Variants in VTA1 observed in about 807,000 individuals in gnomAD.
VTA1 encodes the protein vacuolar protein sorting-associated protein VTA1 homolog.
VTA1 carries 24 observed loss-of-function variants against 36.9 expected under a neutral mutation model. That is an observed-to-expected ratio of 0.65 (90% confidence interval 0.47 to 0.91). The LOEUF is 0.91. VTA1 is among the 40% of genes least tolerant of loss of function. The pLI, the probability that VTA1 is intolerant of heterozygous loss-of-function variation, is 0.00. For synonymous variants in VTA1, 142 were observed against 130.2 expected (o/e 1.09, Z -0.62); for missense variants, 393 against 377.2 (o/e 1.04, Z -0.35).
chr6:142,157,174 A>T (rs1032290346), intron 1 of VTA1, among the ~76,000 whole-genome samples: 2 of 150,446 alleles, frequency 1.3e-5, no homozygotes, highest in African/African-American at 4.8e-5. Flanking sequence ...AAAAAATGAT[A>T]ATAATAATAA....
At position 142,224,389 on chromosome 6, in the gene VTA1, T is replaced by C. The variant is rs1225601702; in HGVS notation, c.*5746T>C. On this transcript the variant is annotated 3_prime_UTR_variant, in exon 8 of 8. Transcript: ENST00000367630. ...TGGACGGTCTATTGTGCCATGCTTA[T>C]ATATTTTCTGTATACAATGCTTTCT... The C allele has an allele frequency of 6.6e-6, 1 of 152,236 alleles. No individual in the cohort carries two copies. The highest frequency in any genetic ancestry group is 2.4e-5 in the African/African-American group (1 of 41,470). 9.4% of individuals were successfully genotyped at this position (152,236 alleles called of 1,614,324 possible).
At chr6:142,154,865 C>T (rs770272116) in intron 1 of VTA1, among the ~76,000 whole-genome samples, 12 of 151,846 alleles carry the variant, frequency 7.9e-5, no homozygotes, top group Admixed American at 2.6e-4. Flanking sequence ...TTAGTAACAG[C>T]GTTACTCTGG....
At chr6:142,186,331 C>G (rs1021535375) in intron 4 of VTA1, among the ~76,000 whole-genome samples, 2 of 152,018 alleles carry the variant, frequency 1.3e-5, no homozygotes, top group African/African-American at 2.4e-5. Context: ...CCCTTGTATC[C>G]AAAGTTAGAG....
chr6:142,200,422 C>T (rs981935209), intron 6 of VTA1, among the ~76,000 whole-genome samples: 4 of 151,834 alleles, frequency 2.6e-5, no homozygotes, highest in Non-Finnish European at 5.9e-5. Flanking sequence ...AGGATATTAA[C>T]CTTATAGAAA....
rs1297653239 is a variant in VTA1 at position 142,170,415 on chromosome 6, T to A, written c.405T>A (p.Thr135=). 1 of 1,592,806 alleles carries A rather than the reference T, an allele frequency of 6.3e-7. No individual in the cohort carries two copies. Among genetic ancestry groups the A allele is most frequent in the Non-Finnish European group, 8.6e-7 (1 of 1,166,414 alleles). Reference sequence around the variant, plus strand: ...TCATAACAGTATTTGGAGAACTCACTGATGAAGTGAGTGTACATTCTTTAT... The same window carrying A: ...TCATAACAGTATTTGGAGAACTCACAGATGAAGTGAGTGTACATTCTTTAT... The part of the protein sequence containing the change: ...IDVITVFGEL[T]DENVKHRKYA... The change falls in exon 4 of 8, where the codon ACT becomes ACA. Residue 135 remains threonine, a synonymous_variant. Coordinates refer to ENST00000367630, the MANE Select transcript of VTA1 (RefSeq NM_016485.5).
intron 4 of VTA1, among the ~76,000 whole-genome samples, chr6:142,185,542 A>G (rs1465240033): frequency 6.6e-6 from 1 of 152,242 alleles, no homozygotes; most frequent in East Asian, 1.9e-4. Flanking sequence ...ATAGAGACTC[A>G]AATCTGATAC....
intron 5 of VTA1, among the ~76,000 whole-genome samples, chr6:142,195,668 A>T (rs76948217): frequency 1.2e-3 from 147 of 123,198 alleles, no homozygotes; most frequent in Middle Eastern, 6.0e-3. Flanking sequence ...TTCTTTTCTG[A>T]TAGAATAATT....
At chr6:142,209,009 G>A (rs1429404329) in intron 7 of VTA1, among the ~76,000 whole-genome samples, 5 of 152,086 alleles carry the variant, frequency 3.3e-5, no homozygotes, top group Non-Finnish European at 5.9e-5. Flanking sequence ...TTATAGTATA[G>A]AGAATAGAGC....
chr6:142,151,230 G>A lies in VTA1; in HGVS notation c.112+3831G>A, dbSNP rs141849721. Reference sequence around the variant, plus strand: ...GAAGATTAGCTGTAGGGACAGGGATGTGGAGGGACCACAGTGGGAAATCTC... The same window carrying A: ...GAAGATTAGCTGTAGGGACAGGGATATGGAGGGACCACAGTGGGAAATCTC... On this transcript the variant is annotated intron_variant, in intron 1 of 7. Transcript: ENST00000367630. Among the ~76,000 whole-genome samples, 116 of 152,326 alleles carry A rather than the reference G, an allele frequency of 7.6e-4. No homozygotes were observed. The East Asian group carries it at 0.017, about 23-fold the overall frequency.
At chr6:142,190,761 A>G (rs1775439858) in intron 5 of VTA1, among the ~76,000 whole-genome samples, 2 of 152,132 alleles carry the variant, frequency 1.3e-5, no homozygotes, top group African/African-American at 4.8e-5. Flanking sequence ...GATAATAAAT[A>G]TTTTCAGTTT....
chr6:142,201,746 C>T (rs962370895), intron 6 of VTA1, among the ~76,000 whole-genome samples: 1 of 151,992 alleles, frequency 6.6e-6, no homozygotes, highest in African/African-American at 2.4e-5. Flanking sequence ...TGTTGATACT[C>T]TGGCCTACGC....
chr6:142,154,035 G>A (rs986074890), intron 1 of VTA1, among the ~76,000 whole-genome samples: 21 of 151,994 alleles, frequency 1.4e-4, no homozygotes, highest in Non-Finnish European at 7.4e-5. Context: ...GTGTGTGTGT[G>A]TATATTTAGT....
intron 1 of VTA1, 63 bp downstream of exon 1, chr6:142,147,462 C>A: frequency 6.7e-7 from 1 of 1,496,320 alleles, no homozygotes; most frequent in South Asian, 1.2e-5. Context: ...CCACACACCT[C>A]CCTGAGGTTC....
intron 7 of VTA1, among the ~76,000 whole-genome samples, chr6:142,212,221 T>G (rs1311790111): frequency 2.0e-5 from 3 of 152,228 alleles, no homozygotes; most frequent in Admixed American, 6.5e-5. Flanking sequence ...AGCAAAAGTT[T>G]ATAGCAGCAA....
At chr6:142,154,576 A>G (rs528040000) in intron 1 of VTA1, among the ~76,000 whole-genome samples, 5 of 151,902 alleles carry the variant, frequency 3.3e-5, no homozygotes, top group African/African-American at 1.2e-4. Flanking sequence ...ACCATTTTAC[A>G]CTCTTATTGG....
rs955710995 is a variant in VTA1, at chr6:142,219,047, T to C, written c.*404T>C. 9 of 152,836 alleles carry C rather than the reference T, an allele frequency of 5.9e-5. No homozygotes were observed. The highest frequency in any genetic ancestry group is 2.2e-4 in the African/African-American group (9 of 41,500). 9.5% of individuals were successfully genotyped at this position (152,836 alleles called of 1,614,324 possible). A position where few individuals can be genotyped will look rare whatever the true frequency, so the allele number is the denominator to read the frequency against. On this transcript the variant is annotated 3_prime_UTR_variant, in exon 8 of 8. Transcript: ENST00000367630. ...TGCTATAAAATTATAAATGTAACTT[T>C]TAATAAAGATAGCCAGAATATTCTA...
intron 1 of VTA1, among the ~76,000 whole-genome samples, chr6:142,155,154 A>G (rs1421242891): frequency 6.6e-6 from 1 of 152,194 alleles, no homozygotes; most frequent in Non-Finnish European, 1.5e-5. Context: ...AATGTAAATT[A>G]AAGTGGAATA....
chr6:142,166,439 T>A, intron 2 of VTA1, 117 bp downstream of exon 2: 1 of 658,236 alleles, frequency 1.5e-6, no homozygotes, highest in South Asian at 2.4e-5. Flanking sequence ...ACAAAGCCAT[T>A]ATACCTGAGG....
chr6:142,181,471 A>ATATATATATATG (rs1169401358), intron 4 of VTA1, among the ~76,000 whole-genome samples: 4 of 147,958 alleles, frequency 2.7e-5, no homozygotes, highest in Admixed American at 1.3e-4. Context: ...ATATATATAT[A>ATATATATATATG]TATGTATATG....
Sources: allele counts gnomAD v4.1 joint callset (sites outside exome capture counted in the v4.1 genomes callset), GRCh38; gene constraint gnomAD v4.1.1; transcripts MANE v1.5; gene names NCBI Gene and HGNC (gene_info 2026-07-23, HGNC 2026-07-21).